The following SH2D4B variants were observed in gnomAD, a reference collection of about 807,000 sequenced individuals.
SH2D4B encodes the protein SH2 domain containing 4B, also known as SH2 domain-containing protein 4B.
In SH2D4B, 45 loss-of-function variants were observed where a neutral mutation model predicts 61.5. The ratio of observed to expected loss-of-function variants is 0.73; its 90% CI spans 0.58 to 0.94. The LOEUF is 0.94. Among genes scored for constraint, SH2D4B ranks in the 40% least tolerant of loss-of-function variants. The pLI is 0.00. For synonymous variants in SH2D4B, 224 were observed against 220.4 expected, an observed-to-expected ratio of 1.02 and a Z score of -0.14; for missense variants, 572 against 574.2, an observed-to-expected ratio of 1.00 and a Z score of 0.04.
chr10:80,541,352 G>T lies in SH2D4B; in HGVS notation c.184+2837G>T, dbSNP rs142027960. ...TGTTCTTGTTTTAGCTGTTGTTTGG[G>T]TTTTTCCATGCTCCTGTGACCACCC... On this transcript the variant is annotated intron_variant, in intron 1 of 7. Transcript: ENST00000646907. Among the ~76,000 whole-genome samples the T allele has an allele frequency of 2.4e-3, 359 of 152,280 alleles. 1 individual carries two copies. Among genetic ancestry groups the T allele is most frequent in the African/African-American group, 8.4e-3 (349 of 41,550 alleles).
At chr10:80,619,238 G>T (rs1206554700) in intron 6 of SH2D4B, among the ~76,000 whole-genome samples, 3 of 152,224 alleles carry the variant, frequency 2.0e-5, no homozygotes, top group African/African-American at 7.2e-5. Context: ...GGCACAGGAA[G>T]GGTGAAAGCA....
intron 7 of SH2D4B, among the ~76,000 whole-genome samples, chr10:80,639,564 T>C (rs1402574874): frequency 6.6e-6 from 1 of 152,220 alleles, no homozygotes; most frequent in Non-Finnish European, 1.5e-5. Context: ...TTGATCTTTG[T>C]TGGTTTAAAG....
intron 3 of SH2D4B, among the ~76,000 whole-genome samples, chr10:80,574,376 A>G (rs1842099065): frequency 6.6e-6 from 1 of 152,168 alleles, no homozygotes; most frequent in African/African-American, 2.4e-5. Flanking sequence ...GCTCAAGCCA[A>G]CCACCTACCT....
chr10:80,584,074 CA>C (rs1394828079), intron 3 of SH2D4B, among the ~76,000 whole-genome samples: 1 of 152,208 alleles, frequency 6.6e-6, no homozygotes, highest in African/African-American at 2.4e-5. Context: ...GATTTTTAAT[CA>C]AATTCTGTGC....
At chr10:80,609,593 A>T (rs1163960934) in intron 6 of SH2D4B, 42 bp downstream of exon 6, 1 of 1,612,690 alleles carries the variant, frequency 6.2e-7, no homozygotes, top group Admixed American at 1.7e-5. Flanking sequence ...TGATTTCCAC[A>T]TCTTTGCCTC....
At chr10:80,559,767 A>T (rs1393631120) in intron 1 of SH2D4B, among the ~76,000 whole-genome samples, 1 of 151,074 alleles carries the variant, frequency 6.6e-6, no homozygotes, top group African/African-American at 2.4e-5. Context: ...CCTCCCGAGT[A>T]GCTGGAACTA....
At chr10:80,621,415 C>A (rs1392688193) in intron 6 of SH2D4B, among the ~76,000 whole-genome samples, 1 of 152,222 alleles carries the variant, frequency 6.6e-6, no homozygotes, top group South Asian at 2.1e-4. Flanking sequence ...GTGATCTCAT[C>A]TTACTTTGGT....
At chr10:80,591,533 G>A (rs1842327124) in intron 4 of SH2D4B, among the ~76,000 whole-genome samples, 2 of 140,982 alleles carry the variant, frequency 1.4e-5, no homozygotes, top group South Asian at 4.5e-4. Flanking sequence ...TTGAGTCGGA[G>A]TCTTGTTCTG....
chr10:80,578,255 C>CT (rs1179161932), intron 3 of SH2D4B, among the ~76,000 whole-genome samples: 2 of 152,290 alleles, frequency 1.3e-5, no homozygotes, highest in South Asian at 2.1e-4. Context: ...TTTACTGTGT[C>CT]TTTCAACAGT....
chr10:80,593,896 A>C (rs1408062467), intron 4 of SH2D4B, among the ~76,000 whole-genome samples: 1 of 152,164 alleles, frequency 6.6e-6, no homozygotes, highest in Admixed American at 6.5e-5. Context: ...TGCAGCGTCA[A>C]CTGCCTAGGC....
At chr10:80,549,215 G>GTGTGTGTGTA (rs1841725333) in intron 1 of SH2D4B, among the ~76,000 whole-genome samples, 2 of 150,998 alleles carry the variant, frequency 1.3e-5, no homozygotes, top group Non-Finnish European at 3.0e-5. Context: ...GTGTGTGTGT[G>GTGTGTGTGTA]TGTGTGTGTG....
chr10:80,582,811 G>T (rs1328393649), intron 3 of SH2D4B, among the ~76,000 whole-genome samples: 1 of 152,178 alleles, frequency 6.6e-6, no homozygotes, highest in Non-Finnish European at 1.5e-5. Context: ...CCTGCTTGCT[G>T]CAGGCAGTCC....
At chr10:80,547,952 A>G (rs1234770331) in intron 1 of SH2D4B, among the ~76,000 whole-genome samples, 1 of 152,128 alleles carries the variant, frequency 6.6e-6, no homozygotes, top group Admixed American at 6.5e-5. Flanking sequence ...AAACAAGAAG[A>G]AAATCATTAG....
chr10:80,643,892 C>T (rs1176415945), intron 7 of SH2D4B, 101 bp from the exon 8 acceptor site: 7 of 666,574 alleles, frequency 1.1e-5, no homozygotes, highest in Non-Finnish European at 1.7e-5. Flanking sequence ...GAGACAAATG[C>T]ATATTCTTAG....
chr10:80,636,342 T>G (rs1292313996), intron 7 of SH2D4B, among the ~76,000 whole-genome samples: 2 of 152,214 alleles, frequency 1.3e-5, no homozygotes, highest in Admixed American at 1.3e-4. Flanking sequence ...CAAATGGTAT[T>G]TCTAGTTCTA....
intron 1 of SH2D4B, chr10:80,541,010 T>C (rs1841571611): frequency 9.5e-7 from 1 of 1,057,544 alleles, no homozygotes; most frequent in African/African-American, 1.6e-5. Flanking sequence ...GTCAGAATGA[T>C]AGGAAAGGCA....
intron 7 of SH2D4B, among the ~76,000 whole-genome samples, chr10:80,638,074 G>A (rs1840216591): frequency 6.6e-6 from 1 of 152,168 alleles, no homozygotes; most frequent in Non-Finnish European, 1.5e-5. Context: ...TTCTGTTTAT[G>A]TGATGGATTC....
At position 80,574,176 on chromosome 10, in the gene SH2D4B, G is replaced by T. The variant is rs140697051; in HGVS notation, c.495+2598G>T. Among the ~76,000 whole-genome samples, 178 of 152,140 alleles carry T rather than the reference G, an allele frequency of 1.2e-3. 3 individuals are homozygous for T. The highest frequency in any genetic ancestry group is 3.3e-3 in the African/African-American group (138 of 41,498). ...ATTTGAGATAGGGTCTCACTCTGTT[G>T]CCCAGGCTAGAGTGCAGTGGCACAA... is the stretch of plus-strand genomic sequence containing the variant. On this transcript the variant is annotated intron_variant, in intron 3 of 7. Coordinates refer to ENST00000646907, the MANE Select transcript of SH2D4B (RefSeq NM_001388272.1).
intron 1 of SH2D4B, among the ~76,000 whole-genome samples, chr10:80,549,203 T>TTGTG (rs1554874982): frequency 4.0e-4 from 48 of 120,298 alleles, no homozygotes; most frequent in Non-Finnish European, 5.7e-4. Context: ...TGGGACTTGA[T>TTGTG]TGTGTGTGTG....
Sources: gnomAD v4.1 joint callset for allele counts (sites outside exome capture counted in the v4.1 genomes callset) on GRCh38, gnomAD v4.1.1 for gene constraint, MANE v1.5 for transcripts, NCBI Gene and HGNC (gene_info 2026-07-23, HGNC 2026-07-21) for gene names.